Variants in TNNI1 observed in about 807,000 individuals in gnomAD.
The protein encoded by TNNI1 is troponin I1, slow skeletal type, also known as troponin I, slow skeletal muscle.
TNNI1 carries 14 observed loss-of-function variants against 26.7 expected under a neutral mutation model. The observed-to-expected ratio is 0.52, with a 90% CI of 0.35 to 0.82. The LOEUF is 0.82. TNNI1 is among the 40% of genes least tolerant of loss of function. The probability of loss-of-function intolerance (pLI) is 0.01; values close to 1 mark genes in which losing one functional copy is unlikely to be tolerated. For synonymous variants in TNNI1, 79 were observed against 98.2 expected (o/e 0.80, Z 1.16); for missense variants, 164 against 257.0 (o/e 0.64, Z 2.47).
In TNNI1 at chr1:201,421,657, G is replaced by A. The variant is rs1212355406; in HGVS notation, c.-20+16C>T. The A allele has an allele frequency of 6.6e-6, 1 of 152,182 alleles. No individual in the cohort carries two copies. 9.4% of individuals were successfully genotyped at this position (152,182 alleles called of 1,614,324 possible). Reference sequence around the variant, plus strand: ...GGATCAACCTACATCTGAAGTTCTGGGCTGCAGACGCTTACCTTGTTCAGT... The same window carrying A: ...GGATCAACCTACATCTGAAGTTCTGAGCTGCAGACGCTTACCTTGTTCAGT... On this transcript the variant is annotated intron_variant, in intron 1 of 8. Transcript: ENST00000361379.
rs376637246 is a variant in TNNI1 at position 201,413,059 on chromosome 1, C to T, written c.252G>A (p.Glu84=). The T allele has an allele frequency of 3.4e-5, 55 of 1,614,000 alleles. No homozygotes were observed. The highest frequency in any genetic ancestry group is 1.6e-4 in the Middle Eastern group (1 of 6,084). The change falls in exon 6 of 9, where the codon GAG becomes GAA. Residue 84 remains glutamate, a synonymous_variant. Coordinates refer to ENST00000361379, the MANE Select transcript of TNNI1 (RefSeq NM_003281.4). The stretch of plus-strand genomic sequence containing the variant: ...CCCTGGTGTTGTGGAGGCATTTGGC[C>T]TCAATGTCGTATCGCTCCTCATCCA... ...EVVDEERYDI[E]AKCLHNTREI...
chr1:201,415,359 C>A (rs1020118788), intron 3 of TNNI1, 105 bp from the exon 4 acceptor site: 2 of 1,205,614 alleles, frequency 1.7e-6, no homozygotes, highest in East Asian at 4.9e-5. Context: ...TATCTTTATC[C>A]GGAATCCTCT....
In TNNI1 at chr1:201,411,441, G is replaced by A; in HGVS notation, c.372C>T (p.Leu124=). The A allele has an allele frequency of 1.2e-6, 2 of 1,613,860 alleles. No homozygotes were observed. The highest frequency in any genetic ancestry group is 1.1e-5 in the South Asian group (1 of 90,984). ...RRVRVSADAM[L]RALLGSKHKV... ...TGTGCTTGGAGCCCAGCAGGGCCCG[G>A]AGCATGGCGTCAGCCGAGACACGGA... is the stretch of plus-strand genomic sequence containing the variant. The change falls in exon 7 of 9, where the codon CTC becomes CTT. Residue 124 remains leucine, a synonymous_variant. Transcript: ENST00000361379. This position sits in a 1 kb window ranked among gnomAD's most constrained non-coding sequence, Gnocchi z 4.6.
Position 201,413,837 on chromosome 1 carries a change from A to G in TNNI1, c.189+681T>C, listed in dbSNP as rs1010326391. 3.9e-5 allele frequency among the ~76,000 whole-genome samples: 6 copies of G among 152,162 alleles called. No homozygotes were observed. The South Asian group carries it at 8.3e-4, about 21-fold the overall frequency. On this transcript the variant is annotated intron_variant, in intron 5 of 8. Transcript: ENST00000361379. Reference sequence around the variant, plus strand: ...CCCATCTCATTTTTTTAAACTTTGTATAAAGAAAAGGTCTCACACTATGTT... The same window carrying G: ...CCCATCTCATTTTTTTAAACTTTGTGTAAAGAAAAGGTCTCACACTATGTT...
intron 8 of TNNI1, 107 bp downstream of exon 8, chr1:201,410,219 G>T: frequency 1.1e-6 from 1 of 924,538 alleles, no homozygotes; most frequent in South Asian, 1.6e-5. Flanking sequence ...GCCTTAGTCC[G>T]TGCATCCGTG....
At chr1:201,410,954 G>A (rs1662622805) in intron 7 of TNNI1, among the ~76,000 whole-genome samples, 1 of 152,158 alleles carries the variant, frequency 6.6e-6, no homozygotes, top group African/African-American at 2.4e-5. Context: ...GTTGCTGGGT[G>A]GTTGAACTCA....
intron 5 of TNNI1, 24 bp downstream of exon 5, chr1:201,414,493 GC>G: frequency 6.5e-7 from 1 of 1,545,422 alleles, no homozygotes; most frequent in South Asian, 1.2e-5. Flanking sequence ...GCCCCACCCT[GC>G]CCCGCCCCAC....
chr1:201,415,188 C>T (rs1401820707), intron 4 of TNNI1, 25 bp downstream of exon 4: 2 of 1,607,960 alleles, frequency 1.2e-6, no homozygotes, highest in South Asian at 2.2e-5. Flanking sequence ...CTGGGCATCC[C>T]CCCACAGCCA....
intron 5 of TNNI1, among the ~76,000 whole-genome samples, chr1:201,413,945 A>T (rs1662686103): frequency 6.6e-6 from 1 of 152,202 alleles, no homozygotes; most frequent in South Asian, 2.1e-4. Context: ...GGCATGAGCC[A>T]CTGTGCCCAG....
Position 201,404,051 on chromosome 1 carries a change from A to G in TNNI1, c.*5202T>C, listed in dbSNP as rs1319892821. On this transcript the variant is annotated 3_prime_UTR_variant, in exon 9 of 9. Transcript: ENST00000361379. ...TGTCCTGGTTACTTCCTCCAGGGAC[A>G]TTCCACCAGGCAGGGCTTAGCACAA... The G allele has an allele frequency of 6.6e-6, 1 of 152,216 alleles. No homozygotes were observed. Among genetic ancestry groups the G allele is most frequent in the East Asian group, 1.9e-4 (1 of 5,198 alleles). 9.4% of individuals were successfully genotyped at this position (152,216 alleles called of 1,614,324 possible). A position where few individuals can be genotyped will look rare whatever the true frequency, so the allele number is the denominator to read the frequency against.
Position 201,411,532 on chromosome 1 carries a change from A to G in TNNI1, c.281T>C (p.Ile94Thr), listed in dbSNP as rs773865502. The G allele has an allele frequency of 2.5e-6, 4 of 1,591,008 alleles. No homozygotes were observed. The South Asian group carries it at 3.4e-5, about 14-fold the overall frequency. Reference sequence around the variant, plus strand: ...CATCACCTTCAGCTTCAGGTCCTTAATCTGTAGGTGAGAAGCGCCCGGGGC... The same window carrying G: ...CATCACCTTCAGCTTCAGGTCCTTAGTCTGTAGGTGAGAAGCGCCCGGGGC... ...EAKCLHNTRE[I>T]KDLKLKVMDL... The change falls in exon 7 of 9, where the codon ATT becomes ACT. Residue 94 changes from isoleucine (I) to threonine (T), a missense_variant and splice_region_variant. By Grantham distance (89) the Ile-to-Thr change is moderately conservative. This residue lies in a region of TNNI1 where 117 missense variants were observed against 158.7 expected (regional missense o/e 0.74). Coordinates refer to ENST00000361379, the MANE Select transcript of TNNI1 (RefSeq NM_003281.4). This position sits in a 1 kb window ranked among gnomAD's most constrained non-coding sequence, Gnocchi z 4.6.
intron 3 of TNNI1, 152 bp downstream of exon 3, chr1:201,416,964 G>T: frequency 1.1e-6 from 1 of 884,812 alleles, no homozygotes; most frequent in Non-Finnish European, 1.9e-6. Flanking sequence ...CATCTCCTGG[G>T]AATTTGTTCA....
At chr1:201,417,568 G>T (rs1340024805) in intron 2 of TNNI1, among the ~76,000 whole-genome samples, 1 of 152,178 alleles carries the variant, frequency 6.6e-6, no homozygotes, top group Non-Finnish European at 1.5e-5. Context: ...AGCCAAAAAG[G>T]CACTCCCAGG....
chr1:201,414,463 C>A, intron 5 of TNNI1, 55 bp downstream of exon 5: 1 of 1,443,912 alleles, frequency 6.9e-7, no homozygotes, highest in Non-Finnish European at 9.2e-7. Context: ...GTCCTTGGAG[C>A]CACCCACACA....
chr1:201,417,012 G>T, intron 3 of TNNI1, 104 bp downstream of exon 3: 1 of 1,387,184 alleles, frequency 7.2e-7, no homozygotes, highest in Non-Finnish European at 1.0e-6. Flanking sequence ...CTCCCACCAG[G>T]CCTTAACACA....
intron 5 of TNNI1, 60 bp downstream of exon 5, chr1:201,414,458 T>TAAA: frequency 7.0e-7 from 1 of 1,437,992 alleles, no homozygotes; most frequent in Non-Finnish European, 9.2e-7. Flanking sequence ...GCCTGGTCCT[T>TAAA]GGAGCCACCC....
chr1:201,420,601 G>A (rs542570288), intron 1 of TNNI1, among the ~76,000 whole-genome samples: 3 of 152,034 alleles, frequency 2.0e-5, no homozygotes, highest in African/African-American at 7.3e-5. Context: ...GAGAGAGAGC[G>A]TGTATATGTA....
intron 3 of TNNI1, among the ~76,000 whole-genome samples, chr1:201,416,845 C>T (rs1291720079): frequency 6.6e-6 from 1 of 152,188 alleles, no homozygotes; most frequent in Non-Finnish European, 1.5e-5. Flanking sequence ...GATGCAGAGT[C>T]ACACCCAACC....
At chr1:201,421,108 C>T (rs1258933192) in intron 1 of TNNI1, among the ~76,000 whole-genome samples, 1 of 152,204 alleles carries the variant, frequency 6.6e-6, no homozygotes, top group Non-Finnish European at 1.5e-5. Context: ...TTGTGCTACA[C>T]TACAGAGGGA....
Sources: allele counts gnomAD v4.1 joint callset (sites outside exome capture counted in the v4.1 genomes callset), GRCh38; gene constraint gnomAD v4.1.1; regional missense constraint gnomAD v4.1.1; non-coding constraint Gnocchi (gnomAD v3.1); transcripts MANE v1.5; gene names NCBI Gene and HGNC (gene_info 2026-07-23, HGNC 2026-07-21).